NT5C1B: variants seen among roughly 807,000 people sequenced by gnomAD.
NT5C1B encodes cytosolic 5'-nucleotidase 1B.
A neutral mutation model predicts 57.8 loss-of-function variants in NT5C1B; 44 were observed. The ratio of observed to expected loss-of-function variants is 0.76; its 90% CI spans 0.60 to 0.98. The LOEUF (loss-of-function observed/expected upper bound fraction) is 0.98, where lower values mean the gene tolerates loss of function less well. NT5C1B is among the 50% of genes least tolerant of loss of function. The probability of loss-of-function intolerance (pLI) is 0.00; values close to 1 mark genes in which losing one functional copy is unlikely to be tolerated. For missense variants in NT5C1B, 742 were observed against 719.5 expected (o/e 1.03, Z -0.36); for synonymous variants, 284 against 282.6 (o/e 1.00, Z -0.05).
At chr2:18,576,820 A>G in exon 7 of NT5C1B, 1 of 1,613,938 alleles carries the variant, frequency 6.2e-7, no homozygotes, top group Non-Finnish European at 8.5e-7. Context: ...AGCAATATAC[A>G]AGTTGGTAAG....
At chr2:18,573,075 G>T (rs73226362) in intron 8 of NT5C1B, among the ~76,000 whole-genome samples, 4,734 of 152,170 alleles carry the variant, frequency 0.031, 252 homozygotes, top group African/African-American at 0.11. Context: ...AATGAATAAA[G>T]AAAATGTGGT....
chr2:18,581,292 A>T (rs896002916), intron 6 of NT5C1B, among the ~76,000 whole-genome samples: 9 of 152,034 alleles, frequency 5.9e-5, no homozygotes, highest in Non-Finnish European at 1.0e-4. Flanking sequence ...CCTTTTTTTT[A>T]AAAAAAGGAA....
intron 8 of NT5C1B, among the ~76,000 whole-genome samples, chr2:18,573,197 G>T (rs1665368468): frequency 6.6e-6 from 1 of 152,092 alleles, no homozygotes; most frequent in South Asian, 2.1e-4. Context: ...CATCGTGTAT[G>T]ATTCCATTTA....
At chr2:18,563,811 T>C (rs1209932768) in exon 9 of NT5C1B, 3 of 1,556,334 alleles carry the variant, frequency 1.9e-6, no homozygotes, top group Non-Finnish European at 2.6e-6. Flanking sequence ...TACTGAATTT[T>C]TTATTAAAGC....
intron 3 of NT5C1B, among the ~76,000 whole-genome samples, chr2:18,585,449 A>G (rs1307596353): frequency 6.6e-6 from 1 of 152,178 alleles, no homozygotes; most frequent in African/African-American, 2.4e-5. Flanking sequence ...AGAACACTCT[A>G]CATAGCACCT....
At chr2:18,578,082 A>C (rs1234948800) in intron 6 of NT5C1B, among the ~76,000 whole-genome samples, 5 of 152,216 alleles carry the variant, frequency 3.3e-5, no homozygotes, top group Non-Finnish European at 7.3e-5. Context: ...GAAGAAACTG[A>C]AACCCTGAAC....
chr2:18,586,182 A>C (rs1666690463), intron 3 of NT5C1B, 72 bp downstream of exon 3: 1 of 1,571,252 alleles, frequency 6.4e-7, no homozygotes, highest in Admixed American at 1.7e-5. Context: ...CCTGGCACGT[A>C]GAAAGCATCA....
chr2:18,586,470 T>C (rs1347314600), intron 2 of NT5C1B, 79 bp from the exon 3 acceptor site: 7 of 1,574,574 alleles, frequency 4.4e-6, no homozygotes, highest in Non-Finnish European at 6.0e-6. Flanking sequence ...AGAATAGTCA[T>C]GTCAGGCTGA....
chr2:18,563,176 T>C (rs867631526), exon 9 of NT5C1B: 1 of 151,770 alleles, frequency 6.6e-6, no homozygotes, highest in Non-Finnish European at 1.5e-5. Flanking sequence ...CACCAAATAA[T>C]TTTCAGAGAA....
intron 8 of NT5C1B, 118 bp from the exon 9 acceptor site, chr2:18,564,237 A>T: frequency 1.1e-5 from 13 of 1,161,232 alleles, no homozygotes; most frequent in South Asian, 3.0e-5. Context: ...CATGACATGC[A>T]GTGTTATGAA....
chr2:18,576,159 A>G (rs199971442), intron 8 of NT5C1B, 25 bp downstream of exon 8: 54 of 1,558,342 alleles, frequency 3.5e-5, no homozygotes, highest in Middle Eastern at 4.4e-4. Context: ...GTACATAAAA[A>G]TTAATTAGCA....
chr2:18,572,208 T>C (rs1665270420), intron 8 of NT5C1B, among the ~76,000 whole-genome samples: 2 of 151,884 alleles, frequency 1.3e-5, no homozygotes, highest in South Asian at 4.2e-4. Flanking sequence ...CAACAAATAA[T>C]GCTTGAACAA....
Position 18,584,486 on chromosome 2 carries a change from G to A in NT5C1B, c.723+28C>T, listed in dbSNP as rs1452350289. ...AAGAGGCTGCAAGGAAGGGCGCCCC[G>A]GCTGCCAGGGGCGGCGGGCTGGCTC... On this transcript the variant is annotated intron_variant, in intron 4 of 8. Coordinates refer to ENST00000304081, the Ensembl canonical transcript of NT5C1B. This position sits in a 1 kb window ranked among gnomAD's most constrained non-coding sequence, Gnocchi z 5.8. The A allele has an allele frequency of 6.3e-7, 1 of 1,596,026 alleles. No homozygotes were observed. The highest frequency in any genetic ancestry group is 8.5e-7 in the Non-Finnish European group (1 of 1,172,084).
At chr2:18,572,083 CAAAAAA>C in intron 8 of NT5C1B, among the ~76,000 whole-genome samples, 1 of 97,412 alleles carries the variant, frequency 1.0e-5, no homozygotes, top group Non-Finnish European at 2.1e-5. Context: ...GAGACTCTGT[CAAAAAA>C]AAAAAAAAAA....
In NT5C1B at chr2:18,581,312, A is replaced by C. The variant is rs558366920; in HGVS notation, c.1021+1556T>G. ...TTTTTAAAAAAAGGAATATTCTGAA[A>C]TTCTGATAACGATTTCTACAGAAAG... On this transcript the variant is annotated intron_variant, in intron 6 of 8. Coordinates refer to ENST00000304081, the Ensembl canonical transcript of NT5C1B. 1.0e-3 allele frequency among the ~76,000 whole-genome samples: 158 copies of C among 152,310 alleles called. 1 individual carries two copies. The highest frequency in any genetic ancestry group is 2.0e-3 in the Admixed American group (30 of 15,308).
chr2:18,584,798 TGCTGCGCCGGGAGCCAGGATC>T lies in NT5C1B; in HGVS notation c.418_438del (p.Asp140_Ser146del). Reference sequence around the variant, plus strand: ...GCCTCCGGATTCTCTTGCATTTTGGTGCTGCGCCGGGAGCCAGGATCGGGCTCTGGGGGCGTGGGAGGCCGC... The same window carrying T: ...GCCTCCGGATTCTCTTGCATTTTGGTGGGCTCTGGGGGCGTGGGAGGCCGC... On this transcript the variant is annotated inframe_deletion, in exon 4 of 9. Transcript: ENST00000304081. This position sits in a 1 kb window ranked among gnomAD's most constrained non-coding sequence, Gnocchi z 5.8. 1 of 1,613,312 alleles carries T rather than the reference TGCTGCGCCGGGAGCCAGGATC, an allele frequency of 6.2e-7. No homozygotes were observed. The highest frequency in any genetic ancestry group is 1.7e-4 in the Middle Eastern group (1 of 6,058).
At chr2:18,577,725 C>T (rs1480986654) in intron 6 of NT5C1B, among the ~76,000 whole-genome samples, 1 of 150,304 alleles carries the variant, frequency 6.7e-6, no homozygotes, top group Non-Finnish European at 1.5e-5. Flanking sequence ...AAGAAAAAAA[C>T]TAACCTTAGA....
At chr2:18,571,517 TGAGGA>T (rs1012847602) in intron 8 of NT5C1B, among the ~76,000 whole-genome samples, 10 of 151,028 alleles carry the variant, frequency 6.6e-5, no homozygotes, top group African/African-American at 2.4e-4. Context: ...TCTAAATAAA[TGAGGA>T]GAGGAGAAAT....
At chr2:18,569,115 G>A (rs1275939753) in intron 8 of NT5C1B, among the ~76,000 whole-genome samples, 1 of 152,130 alleles carries the variant, frequency 6.6e-6, no homozygotes, top group Non-Finnish European at 1.5e-5. Flanking sequence ...GCAGAGTTTG[G>A]CAGTTCGTTG....
Sources: allele counts gnomAD v4.1 joint callset (sites outside exome capture counted in the v4.1 genomes callset), GRCh38; gene constraint gnomAD v4.1.1; non-coding constraint Gnocchi (gnomAD v3.1); transcripts MANE v1.5; gene names NCBI Gene and HGNC (gene_info 2026-07-23, HGNC 2026-07-21).